INSR: variants seen among roughly 807,000 people sequenced by gnomAD.
The protein encoded by INSR is insulin receptor, also known as IR.
In INSR, 67 loss-of-function variants were observed where a neutral mutation model predicts 142.6. The observed-to-expected ratio is 0.47, with a 90% confidence interval of 0.39 to 0.58. The LOEUF (loss-of-function observed/expected upper bound fraction) is 0.58, where lower values mean the gene tolerates loss of function less well. INSR is among the 20% of genes least tolerant of loss of function. INSR has a pLI of 0.00. For synonymous variants in INSR, 756 were observed against 743.1 expected, an observed-to-expected ratio of 1.02 and a Z score of -0.28; for missense variants, 1,248 against 1,833.2, an observed-to-expected ratio of 0.68 and a Z score of 5.83.
At position 7,125,608 on chromosome 19, in the gene INSR, A is replaced by G. The variant is rs1033543634; in HGVS notation, c.3014-81T>C. The G allele has an allele frequency of 6.4e-7, 1 of 1,574,130 alleles. No individual in the cohort carries two copies. The highest frequency in any genetic ancestry group is 8.6e-7 in the Non-Finnish European group (1 of 1,156,810). ...CACCTTCCACCCAAGCCCTCACCCA[A>G]ACCCCCTCGAAAACACTCATGAAAT... On this transcript the variant is annotated intron_variant, in intron 16 of 21. Coordinates refer to ENST00000302850, the MANE Select transcript of INSR (RefSeq NM_000208.4). The surrounding 1 kb of genome is among the most constrained non-coding windows in gnomAD (Gnocchi z 4.9).
At position 7,114,867 on chromosome 19, in the gene INSR, T is replaced by G. The variant is rs1445691127; in HGVS notation, c.*2189A>C. The G allele has an allele frequency of 6.6e-6, 1 of 151,826 alleles. No individual in the cohort carries two copies. Among genetic ancestry groups the G allele is most frequent in the Non-Finnish European group, 1.5e-5 (1 of 67,984 alleles). 9.4% of individuals were successfully genotyped at this position (151,826 alleles called of 1,614,324 possible). On this transcript the variant is annotated 3_prime_UTR_variant, in exon 22 of 22. Transcript: ENST00000302850. ...TGCAGCTAGTGTAGTATACAACCAC[T>G]ACAAATTTACTAAGAAGAGAACAAA... is the stretch of plus-strand genomic sequence containing the variant.
intron 2 of INSR, among the ~76,000 whole-genome samples, chr19:7,193,976 C>T (rs1414514720): frequency 1.1e-5 from 1 of 94,748 alleles, no homozygotes; most frequent in Non-Finnish European, 2.3e-5. Context: ...TGGGCATAGG[C>T]GTAAGCCACA....
intron 2 of INSR, among the ~76,000 whole-genome samples, chr19:7,189,210 G>T (rs1974512836): frequency 6.6e-6 from 1 of 152,168 alleles, no homozygotes; most frequent in South Asian, 2.1e-4. Context: ...TGTTTCCTGG[G>T]CTGGAGCCAC....
chr19:7,120,645 C>T lies in INSR; in HGVS notation c.3634G>A (p.Val1212Ile). ...CACATGTCAGAAGAAGTGGTGAAGA[C>T]CCCATCCTTCAGGGACTCCGGTGCC... is the stretch of plus-strand genomic sequence containing the variant. ...WMAPESLKDG[V>I]FTTSSDMWSF... The change falls in exon 20 of 22, where the codon GTC becomes ATC. Residue 1212 changes from valine to isoleucine, a missense_variant. This residue lies in a region of INSR where 1,069 missense variants were observed against 1,654.0 expected (regional missense o/e 0.65). Coordinates refer to ENST00000302850, the MANE Select transcript of INSR (RefSeq NM_000208.4). 6.2e-7 allele frequency: 1 copy of T among 1,614,190 alleles called. No individual in the cohort carries two copies. Among genetic ancestry groups the T allele is most frequent in the Non-Finnish European group, 8.5e-7 (1 of 1,180,010 alleles).
chr19:7,140,889 C>T (rs1296597106), intron 13 of INSR, among the ~76,000 whole-genome samples: 2 of 151,160 alleles, frequency 1.3e-5, no homozygotes, highest in Non-Finnish European at 2.9e-5. Context: ...GTGTTTGGGA[C>T]ATACAGTGAG....
intron 9 of INSR, among the ~76,000 whole-genome samples, chr19:7,158,311 T>C (rs372764105): frequency 2.0e-5 from 3 of 151,830 alleles, no homozygotes; most frequent in Middle Eastern, 3.4e-3. Flanking sequence ...CCATCCTGGC[T>C]AACATGGTGA....
intron 2 of INSR, among the ~76,000 whole-genome samples, chr19:7,223,949 A>G (rs113595185): frequency 0.023 from 2,924 of 128,842 alleles, 107 homozygotes; most frequent in African/African-American, 0.072. Flanking sequence ...AACAAAAAAA[A>G]ATTTTTTTTT....
chr19:7,292,767 A>G (rs1002987087), intron 1 of INSR, among the ~76,000 whole-genome samples: 12 of 152,118 alleles, frequency 7.9e-5, no homozygotes, highest in Non-Finnish European at 1.5e-4. Context: ...TACAACCCCA[A>G]AGGTGCCTAT....
At chr19:7,135,980 G>T (rs867122690) in intron 13 of INSR, among the ~76,000 whole-genome samples, 1 of 123,626 alleles carries the variant, frequency 8.1e-6, no homozygotes, top group Non-Finnish European at 1.6e-5. Context: ...AAAAAAAAAA[G>T]AAAGAATGAA....
At chr19:7,195,787 A>G (rs1273103119) in intron 2 of INSR, among the ~76,000 whole-genome samples, 2 of 152,076 alleles carry the variant, frequency 1.3e-5, no homozygotes, top group African/African-American at 4.8e-5. Context: ...CGCCTAGGAA[A>G]AAAAATCTAT....
intron 2 of INSR, among the ~76,000 whole-genome samples, chr19:7,258,161 ACAGTGGCTCACGC>A: frequency 6.6e-6 from 1 of 152,328 alleles, no homozygotes; most frequent in East Asian, 1.9e-4. Context: ...CCAGGCAAGC[ACAGTGGCTCACGC>A]CTATAGTCCC....
intron 1 of INSR, among the ~76,000 whole-genome samples, chr19:7,270,368 C>G (rs991045332): frequency 7.3e-5 from 11 of 151,498 alleles, no homozygotes; most frequent in Non-Finnish European, 1.6e-4. Context: ...CACACACACA[C>G]ACACACACAC....
intron 1 of INSR, among the ~76,000 whole-genome samples, chr19:7,274,975 CT>C (rs546377927): frequency 7.9e-4 from 113 of 143,344 alleles, no homozygotes; most frequent in East Asian, 1.6e-3. Flanking sequence ...TTAGACAGCA[CT>C]TTTTTTTTTT....
At chr19:7,282,030 TAGC>T in intron 1 of INSR, among the ~76,000 whole-genome samples, 1 of 152,288 alleles carries the variant, frequency 6.6e-6, no homozygotes, top group South Asian at 2.1e-4. Flanking sequence ...CACCGCAGGA[TAGC>T]AAAGCTTGTT....
chr19:7,122,513 A>T (rs2144804488), intron 19 of INSR, 101 bp downstream of exon 19: 1 of 1,266,086 alleles, frequency 7.9e-7, no homozygotes, highest in Non-Finnish European at 1.2e-6. Context: ...TTGCCCCTTT[A>T]TATTATCAGA....
At chr19:7,284,419 G>C (rs1968289750) in intron 1 of INSR, among the ~76,000 whole-genome samples, 1 of 152,138 alleles carries the variant, frequency 6.6e-6, no homozygotes, top group Non-Finnish European at 1.5e-5. Flanking sequence ...AGGAAGAGTA[G>C]AGAGCAGGGC....
chr19:7,285,587 GACC>G (rs1968326717), intron 1 of INSR, among the ~76,000 whole-genome samples: 1 of 152,024 alleles, frequency 6.6e-6, no homozygotes, highest in Admixed American at 6.6e-5. Context: ...AGGGAATTAG[GACC>G]ACACCACTGC....
chr19:7,284,792 C>G (rs976952762), intron 1 of INSR, among the ~76,000 whole-genome samples: 1 of 152,098 alleles, frequency 6.6e-6, no homozygotes, highest in African/African-American at 2.4e-5. Context: ...ACTCCCAAAG[C>G]GCTGGGCATG....
chr19:7,227,349 C>T (rs1207109077), intron 2 of INSR, among the ~76,000 whole-genome samples: 2 of 151,796 alleles, frequency 1.3e-5, no homozygotes, highest in Non-Finnish European at 2.9e-5. Flanking sequence ...CACAGCTCAC[C>T]GCAGCCTCAA....
Sources: gnomAD v4.1 joint callset for allele counts (sites outside exome capture counted in the v4.1 genomes callset) on GRCh38, gnomAD v4.1.1 for gene constraint, gnomAD v4.1.1 regional missense constraint, Gnocchi (gnomAD v3.1) non-coding constraint, MANE v1.5 for transcripts, NCBI Gene and HGNC (gene_info 2026-07-23, HGNC 2026-07-21) for gene names.